Variants in TNNC2 observed in about 807,000 individuals in gnomAD.
The protein encoded by TNNC2 is troponin C, skeletal muscle.
A neutral mutation model predicts 20.0 loss-of-function variants in TNNC2; 14 were observed. The ratio of observed to expected loss-of-function variants is 0.70; its 90% confidence interval spans 0.46 to 1.09. TNNC2 has a LOEUF of 1.09. TNNC2 is among the 50% of genes least tolerant of loss of function. TNNC2 has a pLI of 0.00. For missense variants in TNNC2, 163 were observed against 223.8 expected (o/e 0.73, Z 1.73); for synonymous variants, 81 against 77.3 (o/e 1.05, Z -0.25).
At chr20:45,824,664 G>A in intron 2 of TNNC2, 26 bp from the exon 3 acceptor site, 2 of 1,607,054 alleles carry the variant, frequency 1.2e-6, no homozygotes, top group Non-Finnish European at 1.7e-6. Context: ...GAGGGCAGAG[G>A]TGAGGCCTGC....
chr20:45,828,068 C>T (rs1202930959), upstream of TNNC2, among the ~76,000 whole-genome samples: 3 of 152,194 alleles, frequency 2.0e-5, no homozygotes. Context: ...TCTATACTCA[C>T]TCTGTCACCA....
chr20:45,832,934 G>C (rs1218876989), intron 2 of TNNC2, among the ~76,000 whole-genome samples: 1 of 152,212 alleles, frequency 6.6e-6, no homozygotes, highest in Non-Finnish European at 1.5e-5. Context: ...TTGAGCCCAG[G>C]AATTCGAGAC....
Position 45,823,446 on chromosome 20 carries a change from A to C in TNNC2, c.452-67T>G. 6.8e-7 allele frequency: 1 copy of C among 1,468,364 alleles called. No homozygotes were observed. The highest frequency in any genetic ancestry group is 2.4e-5 in the East Asian group (1 of 41,762). 91.0% of individuals were successfully genotyped at this position (1,468,364 alleles called of 1,614,324 possible). On this transcript the variant is annotated intron_variant, in intron 5 of 5. Transcript: ENST00000372555. This position sits in a 1 kb window ranked among gnomAD's most constrained non-coding sequence, Gnocchi z 4.6. ...GACGCAGAGGCCAGGCCAGGGCTCC[A>C]GCCACACAGAGGGGATGACTTTTTG...
chr20:45,823,473 T>C lies in TNNC2; in HGVS notation c.452-94A>G. 7.8e-7 allele frequency: 1 copy of C among 1,289,180 alleles called. No individual in the cohort carries two copies. The highest frequency in any genetic ancestry group is 1.1e-6 in the Non-Finnish European group (1 of 936,580). The allele number at this position is 1,289,180 out of a possible 1,614,324, so 79.9% of individuals were successfully genotyped here. On this transcript the variant is annotated intron_variant, in intron 5 of 5. Coordinates refer to ENST00000372555, the MANE Select transcript of TNNC2 (RefSeq NM_003279.3). This position sits in a 1 kb window ranked among gnomAD's most constrained non-coding sequence, Gnocchi z 4.6. ...CCACACAGAGGGGATGACTTTTTGT[T>C]TTTGTTTTTGTTGAGACAGAGTCTC...
At chr20:45,833,164 A>AAGAG (rs58892840) in intron 2 of TNNC2, 1 of 103,856 alleles carries the variant, frequency 9.6e-6, no homozygotes, top group East Asian at 2.3e-4. Flanking sequence ...GAAAGAAAGA[A>AAGAG]AGAGAGAGAG....
intron 2 of TNNC2, 60 bp downstream of exon 2, chr20:45,824,723 G>C: frequency 8.7e-7 from 1 of 1,149,944 alleles, no homozygotes. Context: ...ACCCTGCCTA[G>C]AGGCCAACAT....
rs1165579017 is a variant in TNNC2 at position 45,823,409 on chromosome 20, G to A, written c.452-30C>T. The A allele has an allele frequency of 1.3e-6, 2 of 1,583,980 alleles. No homozygotes were observed. Among genetic ancestry groups the A allele is most frequent in the Non-Finnish European group, 8.6e-7 (1 of 1,165,444 alleles). ...GGGAAAGGAGAGGGAGAGGGTCAGG[G>A]GTCCCACTGGGGACGCAGAGGCCAG... On this transcript the variant is annotated intron_variant, in intron 5 of 5. Transcript: ENST00000372555. This position sits in a 1 kb window ranked among gnomAD's most constrained non-coding sequence, Gnocchi z 4.6.
upstream of TNNC2, among the ~76,000 whole-genome samples, chr20:45,831,177 T>G (rs1311115634): frequency 2.6e-5 from 4 of 152,082 alleles, no homozygotes; most frequent in African/African-American, 7.2e-5. Context: ...TCCCAGATAC[T>G]TGGGAGGCTG....
chr20:45,830,062 C>T (rs1347701484), upstream of TNNC2, among the ~76,000 whole-genome samples: 3 of 151,374 alleles, frequency 2.0e-5, 1 homozygote, highest in Non-Finnish European at 4.4e-5. Flanking sequence ...AGGCTGGGCA[C>T]GGTGGCTCAT....
At chr20:45,831,026 T>C (rs1422877169), upstream of TNNC2, among the ~76,000 whole-genome samples, 1 of 151,970 alleles carries the variant, frequency 6.6e-6, no homozygotes, top group Non-Finnish European at 1.5e-5. Context: ...TGGTAGCTCA[T>C]ACTTGTAATC....
At chr20:45,827,506 C>A (rs978174085), upstream of TNNC2, among the ~76,000 whole-genome samples, 1 of 152,106 alleles carries the variant, frequency 6.6e-6, no homozygotes, top group Non-Finnish European at 1.5e-5. Flanking sequence ...AGGTGGCAGG[C>A]CTTGACGTCC....
Position 45,827,284 on chromosome 20 carries a change from G to A in TNNC2, c.-36C>T, listed in dbSNP as rs756129331. ...GACCGGGACTCCTCTGTTGCAGGTCGCCTCCTTTGCACTCCACCACCCAAA... is the reference window on the plus strand; with the variant it reads ...GACCGGGACTCCTCTGTTGCAGGTCACCTCCTTTGCACTCCACCACCCAAA... On this transcript the variant is annotated 5_prime_UTR_variant, in exon 1 of 6. Transcript: ENST00000372555. 10 of 1,613,794 alleles carry A rather than the reference G, an allele frequency of 6.2e-6. No individual in the cohort carries two copies. In the African/African-American group the frequency reaches 9.3e-5, roughly 15 times the overall value.
chr20:45,824,837 G>T lies in TNNC2; in HGVS notation c.4-3C>A, dbSNP rs113430537. 5 of 1,614,058 alleles carry T rather than the reference G, an allele frequency of 3.1e-6. No individual in the cohort carries two copies. Among genetic ancestry groups the T allele is most frequent in the Admixed American group, 1.7e-5 (1 of 59,980 alleles). On this transcript the variant is annotated splice_region_variant and splice_polypyrimidine_tract_variant and intron_variant, in intron 1 of 5. Transcript: ENST00000372555. ...CTGGCCTCAGCCTGCTGGTCCGTCT[G>T]CAGGAGACACAGAGAAAGTCTGAGC... is the stretch of plus-strand genomic sequence containing the variant.
In TNNC2 at chr20:45,823,863, G is replaced by A; in HGVS notation, c.451+128C>T. On this transcript the variant is annotated intron_variant, in intron 5 of 5. Coordinates refer to ENST00000372555, the MANE Select transcript of TNNC2 (RefSeq NM_003279.3). The surrounding 1 kb of genome is among the most constrained non-coding windows in gnomAD (Gnocchi z 4.6). ...TCTATACCTGCCCCCAGGAGACTAT[G>A]GGGAACTTGGTGAAGTTACGCCCAG... 3 of 1,476,466 alleles carry A rather than the reference G, an allele frequency of 2.0e-6. No homozygotes were observed. Among genetic ancestry groups the A allele is most frequent in the East Asian group, 2.3e-5 (1 of 43,462 alleles). 91.5% of individuals were successfully genotyped at this position (1,476,466 alleles called of 1,614,324 possible).
chr20:45,824,617 A>T lies in TNNC2; in HGVS notation c.77T>A (p.Met26Lys). The T allele has an allele frequency of 6.2e-7, 1 of 1,610,434 alleles. No homozygotes were observed. The highest frequency in any genetic ancestry group is 8.5e-7 in the Non-Finnish European group (1 of 1,179,940). ...GTCCCCACCACCATCAGCATCAAAC[A>T]TGTCAAAGGCAGCCTTGAACTCTGC... ...MIAEFKAAFD[M>K]FDADGGGDIS... Residue 26 changes from methionine to lysine, a missense_variant, in exon 3 of 6, where the codon ATG becomes AAG. Transcript: ENST00000372555.
upstream of TNNC2, among the ~76,000 whole-genome samples, chr20:45,831,110 A>T (rs1321947618): frequency 6.6e-6 from 1 of 151,950 alleles, no homozygotes; most frequent in Non-Finnish European, 1.5e-5. Context: ...GCAACATGCA[A>T]CCCCACCTTT....
chr20:45,825,696 C>T (rs1982950471), intron 1 of TNNC2, among the ~76,000 whole-genome samples: 2 of 151,982 alleles, frequency 1.3e-5, no homozygotes, highest in South Asian at 4.2e-4. Flanking sequence ...CTCGCCACAA[C>T]CGCAACCCCC....
In TNNC2 at chr20:45,824,112, G is replaced by A. The variant is rs1982886669; in HGVS notation, c.330C>T (p.Tyr110=). ...TCTCAGCCAGCTCCTCCGGGTCGAT[G>A]TAGCCGTCTGCATTCCTTCAGGTCC... ...FRIFDRNADG[Y]IDPEELAEIF... is the part of the protein sequence containing the mutation. Residue 110 remains tyrosine (Y), a synonymous_variant, in exon 5 of 6, where the codon TAC becomes TAT. Coordinates refer to ENST00000372555, the MANE Select transcript of TNNC2 (RefSeq NM_003279.3). The A allele has an allele frequency of 6.2e-7, 1 of 1,613,712 alleles. No homozygotes were observed. The highest frequency in any genetic ancestry group is 1.3e-5 in the African/African-American group (1 of 74,866).
At chr20:45,829,743 A>C (rs1245074898), upstream of TNNC2, among the ~76,000 whole-genome samples, 1 of 150,984 alleles carries the variant, frequency 6.6e-6, no homozygotes, top group Non-Finnish European at 1.5e-5. Context: ...CCGAGATCAC[A>C]CCACTGCACT....
Sources: gnomAD v4.1 joint callset for allele counts (sites outside exome capture counted in the v4.1 genomes callset) on GRCh38, gnomAD v4.1.1 for gene constraint, Gnocchi (gnomAD v3.1) non-coding constraint, MANE v1.5 for transcripts, NCBI Gene and HGNC (gene_info 2026-07-23, HGNC 2026-07-21) for gene names.